PVR: variants seen among roughly 807,000 people sequenced by gnomAD.
PVR encodes the protein PVR cell adhesion molecule.
Under a neutral mutation model 43.3 loss-of-function variants are expected in PVR, and 39 were observed. The ratio of observed to expected loss-of-function variants is 0.90; its 90% CI spans 0.70 to 1.18. The LOEUF (loss-of-function observed/expected upper bound fraction) is 1.18. Ranked by LOEUF, PVR falls within the 50% of genes most tolerant of loss-of-function variation. The pLI is 0.00. For missense variants in PVR, 480 were observed against 549.7 expected (o/e 0.87, Z 1.27); for synonymous variants, 224 against 233.2 (o/e 0.96, Z 0.36).
chr19:44,652,365 ATTTTTG>A (rs199599283), intron 3 of PVR, among the ~76,000 whole-genome samples: 16 of 151,152 alleles, frequency 1.1e-4, no homozygotes, highest in South Asian at 2.1e-4. Context: ...TGCCTAGCTA[ATTTTTG>A]TTTTTGTTTT....
chr19:44,646,495 T>C (rs2123745290), intron 1 of PVR, among the ~76,000 whole-genome samples: 2 of 152,290 alleles, frequency 1.3e-5, no homozygotes, highest in Middle Eastern at 3.4e-3. Flanking sequence ...CCAGGTGCGG[T>C]GGCTCATACC....
In PVR at chr19:44,665,905, A is replaced by G. The variant is rs1973704360; in HGVS notation, c.*4094A>G. 1 of 152,176 alleles carries G rather than the reference A, an allele frequency of 6.6e-6. No individual in the cohort carries two copies. Among genetic ancestry groups the G allele is most frequent in the African/African-American group, 2.4e-5 (1 of 41,370 alleles). 9.4% of individuals were successfully genotyped at this position (152,176 alleles called of 1,614,324 possible). ...ACCCAGCAGCGTCTTTTCCGGTCTC[A>G]TTCACCAGCGCCGCCCACCGCTCAA... On this transcript the variant is annotated 3_prime_UTR_variant, in exon 8 of 8. Transcript: ENST00000425690.
intron 4 of PVR, among the ~76,000 whole-genome samples, chr19:44,657,391 G>A (rs550983914): frequency 7.3e-4 from 111 of 152,262 alleles, no homozygotes; most frequent in African/African-American, 2.6e-3. Flanking sequence ...CTGAGGTATG[G>A]GAACTGACTT....
At chr19:44,655,045 AATTTTATAAT>A (rs1973401758) in intron 4 of PVR, among the ~76,000 whole-genome samples, 2 of 149,752 alleles carry the variant, frequency 1.3e-5, no homozygotes, top group African/African-American at 5.1e-5. Flanking sequence ...GATAATACAT[AATTTTATAAT>A]ACATAATTTT....
chr19:44,644,162 AC>A lies in PVR; in HGVS notation c.71del (p.Pro24GlnfsTer22). 2.0e-6 allele frequency: 3 copies of A among 1,503,910 alleles called. No individual in the cohort carries two copies. The highest frequency in any genetic ancestry group is 2.2e-5 in the Admixed American group (1 of 46,304). 93.2% of individuals were successfully genotyped at this position (1,503,910 alleles called of 1,614,324 possible). A position where few individuals can be genotyped will look rare whatever the true frequency, so the allele number is the denominator to read the frequency against. On this transcript the variant is annotated frameshift_variant, in exon 1 of 8. Transcript: ENST00000425690. LOFTEE classifies it high-confidence loss of function. ...LVALLVLSWP[P>X]PGTGDVVVQA... ...TGGCGCTACTGGTGCTGTCCTGGCC[AC>A]CCCCAGGAACCGGTGAGTGACCCCC...
At chr19:44,656,163 C>T (rs565517347) in intron 4 of PVR, among the ~76,000 whole-genome samples, 1 of 152,310 alleles carries the variant, frequency 6.6e-6, no homozygotes, top group East Asian at 1.9e-4. Flanking sequence ...GTCATCTCAC[C>T]TGGGCCTCCC....
chr19:44,644,102 C>T lies in PVR; in HGVS notation c.6C>T (p.Ala2=). The T allele has an allele frequency of 6.6e-7, 1 of 1,517,080 alleles. No individual in the cohort carries two copies. Among genetic ancestry groups the T allele is most frequent in the Non-Finnish European group, 8.8e-7 (1 of 1,138,442 alleles). 94.0% of individuals were successfully genotyped at this position (1,517,080 alleles called of 1,614,324 possible). The part of the protein sequence containing the change: M[A]RAMAAAWPLL... ...AGCTGCTCGGAGCAACTGGCATGGC[C>T]CGAGCCATGGCCGCCGCGTGGCCGC... Residue 2 remains alanine (A), a synonymous_variant, in exon 1 of 8, where the codon GCC becomes GCT. Coordinates refer to ENST00000425690, the MANE Select transcript of PVR (RefSeq NM_006505.5).
rs749969005 is a variant in PVR, at chr19:44,650,064, T to C, written c.683T>C (p.Phe228Ser). 9.0e-6 allele frequency: 14 copies of C among 1,550,720 alleles called. No homozygotes were observed. The Admixed American group carries it at 2.7e-4, about 30-fold the overall frequency. ...ACCTGCAAGGTGGAGCACGAGAGCT[T>C]TGAGAAGCCTCAGCTGCTGACTGTG... ...NVTCKVEHES[F>S]EKPQLLTVNL... The change falls in exon 3 of 8, where the codon TTT (phenylalanine) becomes TCT (serine). Residue 228 changes from phenylalanine (F) to serine (S), a missense_variant. Physicochemically the swap from Phe to Ser is radical, Grantham distance 155. Coordinates refer to ENST00000425690, the MANE Select transcript of PVR (RefSeq NM_006505.5).
At chr19:44,657,094 T>C (rs1973465306) in intron 4 of PVR, among the ~76,000 whole-genome samples, 1 of 151,722 alleles carries the variant, frequency 6.6e-6, no homozygotes, top group Admixed American at 6.6e-5. Flanking sequence ...CTGAAGGAGA[T>C]GAGGGTGAGC....
intron 4 of PVR, 56 bp from the exon 5 acceptor site, chr19:44,657,706 A>C (rs1973486675): frequency 6.3e-7 from 1 of 1,588,264 alleles, no homozygotes; most frequent in Non-Finnish European, 8.6e-7. Flanking sequence ...GTGCTCAATC[A>C]CTGTCACTCC....
chr19:44,660,840 ATC>A (rs969560963), intron 6 of PVR, among the ~76,000 whole-genome samples: 22 of 152,198 alleles, frequency 1.4e-4, no homozygotes, highest in African/African-American at 4.8e-4. Context: ...AGGCATTTTT[ATC>A]TGTTTTGTTC....
In PVR at chr19:44,661,829, G is replaced by A. The variant is rs750456208; in HGVS notation, c.*18G>A. 5 of 1,612,276 alleles carry A rather than the reference G, an allele frequency of 3.1e-6. No individual in the cohort carries two copies. Among genetic ancestry groups the A allele is most frequent in the Admixed American group, 1.7e-5 (1 of 60,016 alleles). On this transcript the variant is annotated 3_prime_UTR_variant, in exon 8 of 8. Coordinates refer to ENST00000425690, the MANE Select transcript of PVR (RefSeq NM_006505.5). The stretch of plus-strand genomic sequence containing the variant: ...CAAGGTGACAGCGTCGGGACTGAGA[G>A]GGGAGAGAGACTGGAGCTGGCAAGG...
In PVR at chr19:44,657,796, C is replaced by T. The variant is rs1242115285; in HGVS notation, c.877C>T (p.Gln293Ter). ...TCCCCTGCCACCCTTTGCTGTGGCC[C>T]AGGGCGCCCAGCTCCTGATCCGTCC... ...MGPLPPFAVA[Q>*]GAQLLIRPVD... Residue 293 changes from glutamine to a stop codon, truncating the protein, a stop_gained, in exon 5 of 8, where the codon CAG (glutamine) becomes TAG (stop). Transcript: ENST00000425690. LOFTEE classifies it high-confidence loss of function. 1 of 1,614,002 alleles carries T rather than the reference C, an allele frequency of 6.2e-7. No homozygotes were observed. Among genetic ancestry groups the T allele is most frequent in the African/African-American group, 1.3e-5 (1 of 74,924 alleles).
Position 44,648,040 on chromosome 19 carries a change from C to T in PVR, c.427+470C>T, listed in dbSNP as rs116619270. On this transcript the variant is annotated intron_variant, in intron 2 of 7. Coordinates refer to ENST00000425690, the MANE Select transcript of PVR (RefSeq NM_006505.5). ...GACTGTGTACCCATGAGGGCAGAAC[C>T]GGGGCTATTTTGATCACTGCTGGGC... Among the ~76,000 whole-genome samples the T allele has an allele frequency of 5.2e-3, 784 of 152,156 alleles. 4 individuals are homozygous for T. Among genetic ancestry groups the T allele is most frequent in the African/African-American group, 0.018 (747 of 41,500 alleles).
Position 44,653,903 on chromosome 19 carries a change from C to A in PVR, c.728C>A (p.Pro243His), listed in dbSNP as rs1354375472. 1.2e-6 allele frequency: 2 copies of A among 1,607,404 alleles called. No individual in the cohort carries two copies. The change falls in exon 4 of 8, where the codon CCC becomes CAC. Residue 243 changes from proline (P) to histidine (H), a missense_variant. Coordinates refer to ENST00000425690, the MANE Select transcript of PVR (RefSeq NM_006505.5). ...LLTVNLTVYY[P>H]PEVSISGYDN... ...CCTCTGTATCCATTTCCTGCAGACC[C>A]CCCAGAGGTATCCATCTCTGGCTAT...
intron 3 of PVR, among the ~76,000 whole-genome samples, chr19:44,652,389 G>GT (rs200726927): frequency 6.6e-6 from 1 of 151,238 alleles, no homozygotes; most frequent in Non-Finnish European, 1.5e-5. Flanking sequence ...TTTTGTTTTT[G>GT]TTTTTTTGTT....
chr19:44,653,822 G>GCAGTGT (rs1442916017), intron 3 of PVR, 78 bp from the exon 4 acceptor site: 1 of 962,060 alleles, frequency 1.0e-6, no homozygotes, highest in Admixed American at 1.8e-5. Flanking sequence ...GCCTTTTCCT[G>GCAGTGT]CAGTGTCGTG....
At chr19:44,660,513 T>C (rs1184017991) in intron 6 of PVR, among the ~76,000 whole-genome samples, 1 of 152,116 alleles carries the variant, frequency 6.6e-6, no homozygotes, top group Non-Finnish European at 1.5e-5. Context: ...GCAGGCTTTT[T>C]GTTTGTTTGT....
intron 5 of PVR, 150 bp from the exon 6 acceptor site, chr19:44,658,592 G>A (rs746941517): frequency 1.5e-6 from 1 of 667,086 alleles, no homozygotes; most frequent in Non-Finnish European, 2.6e-6. Flanking sequence ...CCCATTCTGG[G>A]CACCAGAGGG....
Sources: allele counts gnomAD v4.1 joint callset (sites outside exome capture counted in the v4.1 genomes callset), GRCh38; gene constraint gnomAD v4.1.1; transcripts MANE v1.5; gene names NCBI Gene and HGNC (gene_info 2026-07-23, HGNC 2026-07-21).